Variants in MED15 observed in about 807,000 individuals in gnomAD.
MED15 encodes the protein mediator complex subunit 15.
A neutral mutation model predicts 118.7 loss-of-function variants in MED15; 41 were observed. That is an observed-to-expected ratio of 0.35 (90% confidence interval 0.27 to 0.45). The LOEUF is 0.45. Ranked by LOEUF, MED15 falls within the 20% of genes least tolerant of loss-of-function variation. The pLI is 1.00. For missense variants in MED15, 740 were observed against 1,025.5 expected, an observed-to-expected ratio of 0.72 and a Z score of 3.80; for synonymous variants, 436 against 413.9, an observed-to-expected ratio of 1.05 and a Z score of -0.65.
chr22:20,562,467 C>G, intron 5 of MED15, among the ~76,000 whole-genome samples: 1 of 152,144 alleles, frequency 6.6e-6, no homozygotes, highest in East Asian at 1.9e-4. Context: ...TCACTGCAAC[C>G]TCTGCCTCCC....
At chr22:20,562,980 G>A (rs890154754) in intron 5 of MED15, among the ~76,000 whole-genome samples, 6 of 151,840 alleles carry the variant, frequency 4.0e-5, no homozygotes, top group African/African-American at 1.5e-4. Flanking sequence ...AGGGTGCAGT[G>A]AGCCACGATG....
At chr22:20,528,654 G>A (rs141070799) in intron 1 of MED15, among the ~76,000 whole-genome samples, 1 of 152,334 alleles carries the variant, frequency 6.6e-6, no homozygotes, top group African/African-American at 2.4e-5. Context: ...CAGACACTGG[G>A]CTGTGGGTGA....
chr22:20,559,088 T>A (rs909948063), intron 5 of MED15, among the ~76,000 whole-genome samples: 1 of 152,066 alleles, frequency 6.6e-6, no homozygotes. Flanking sequence ...GCCAGGAGTT[T>A]GAGGCTATGG....
chr22:20,536,179 T>G (rs1309025594), intron 1 of MED15, among the ~76,000 whole-genome samples: 1 of 152,142 alleles, frequency 6.6e-6, no homozygotes, highest in Non-Finnish European at 1.5e-5. Flanking sequence ...CCTGGCCACT[T>G]GTTTCTTTAT....
intron 6 of MED15, among the ~76,000 whole-genome samples, chr22:20,565,628 G>A (rs1449487744): frequency 6.6e-6 from 1 of 152,202 alleles, no homozygotes; most frequent in African/African-American, 2.4e-5. Context: ...GGCTTCTCTG[G>A]ATCTTGGCAC....
At chr22:20,552,579 A>T (rs964572394) in intron 3 of MED15, 1 of 449,860 alleles carries the variant, frequency 2.2e-6, no homozygotes, top group Non-Finnish European at 4.6e-6. Context: ...TGTGGGGCTC[A>T]TGAGGTCATG....
At position 20,512,834 on chromosome 22, in the gene MED15, C is replaced by T. The variant is rs370588741; in HGVS notation, c.68+5088C>T. Among the ~76,000 whole-genome samples the T allele has an allele frequency of 7.1e-4, 106 of 149,344 alleles. 4 individuals are homozygous for T. The highest frequency in any genetic ancestry group is 2.3e-3 in the African/African-American group (95 of 40,570). On this transcript the variant is annotated intron_variant, in intron 1 of 17. Coordinates refer to ENST00000263205, the MANE Select transcript of MED15 (RefSeq NM_001003891.3). ...CTCGGTTCCTTCAACCTCTGCCTCCCGGGTTCAAGCGATTCTCCTGCCTCA... is the reference window on the plus strand; with the variant it reads ...CTCGGTTCCTTCAACCTCTGCCTCCTGGGTTCAAGCGATTCTCCTGCCTCA...
intron 1 of MED15, among the ~76,000 whole-genome samples, chr22:20,521,337 TCCAC>T (rs1193560272): frequency 6.6e-6 from 1 of 151,786 alleles, no homozygotes; most frequent in Non-Finnish European, 1.5e-5. Context: ...CCTCAGGGGA[TCCAC>T]CCACCTCGGC....
At chr22:20,541,623 A>G (rs1446277138) in intron 2 of MED15, among the ~76,000 whole-genome samples, 1 of 149,422 alleles carries the variant, frequency 6.7e-6, no homozygotes, top group Non-Finnish European at 1.5e-5. Flanking sequence ...AGCTGGGACT[A>G]TAGGCACACA....
intron 4 of MED15, 38 bp from the exon 5 acceptor site, chr22:20,554,898 G>A (rs537547042): frequency 1.3e-6 from 2 of 1,557,450 alleles, no homozygotes; most frequent in Middle Eastern, 2.4e-4. Flanking sequence ...AGTCTGGTAG[G>A]CCCTTTCCTG....
At chr22:20,576,083 C>G (rs1316024912) in intron 9 of MED15, among the ~76,000 whole-genome samples, 1 of 152,226 alleles carries the variant, frequency 6.6e-6, no homozygotes, top group Non-Finnish European at 1.5e-5. Context: ...TGGAATTACT[C>G]CATGGCATAG....
At chr22:20,569,503 T>C (rs567302750) in intron 8 of MED15, among the ~76,000 whole-genome samples, 1 of 152,272 alleles carries the variant, frequency 6.6e-6, no homozygotes, top group Non-Finnish European at 1.5e-5. Context: ...GCCTTGTGGT[T>C]TTCTGCAGGC....
In MED15 at chr22:20,528,735, C is replaced by T. The variant is rs931007698; in HGVS notation, c.69-8382C>T. On this transcript the variant is annotated intron_variant, in intron 1 of 17. Coordinates refer to ENST00000263205, the MANE Select transcript of MED15 (RefSeq NM_001003891.3). ...TGGGCCAGTGGGTCTCGGCAGTTAG[C>T]GTGCATCGATCTAGTCACTTAGACC... Among the ~76,000 whole-genome samples the T allele has an allele frequency of 4.8e-4, 73 of 152,316 alleles. 1 individual carries two copies. The highest frequency in any genetic ancestry group is 1.0e-4 in the Non-Finnish European group (7 of 68,018).
intron 7 of MED15, among the ~76,000 whole-genome samples, chr22:20,567,167 C>T (rs1056375185): frequency 4.6e-5 from 7 of 152,194 alleles, no homozygotes; most frequent in Admixed American, 2.0e-4. Context: ...GTGCCAGCTC[C>T]GTCAGTGTCT....
At position 20,583,138 on chromosome 22, in the gene MED15, A is replaced by G. The variant is rs1251941745; in HGVS notation, c.1563A>G (p.Pro521=). 6.2e-7 allele frequency: 1 copy of G among 1,604,922 alleles called. No homozygotes were observed. Among genetic ancestry groups the G allele is most frequent in the Admixed American group, 1.7e-5 (1 of 59,738 alleles). The part of the protein sequence containing the change: ...TPVNPSSVMS[P]AGSSQAEEQQ... ...TGAACCCCAGCTCTGTCATGAGCCC[A>G]GCTGGCTCCAGCCAGGCTGAGGAGC... The change falls in exon 12 of 18, where the codon CCA becomes CCG. Residue 521 remains proline (P), a synonymous_variant. Coordinates refer to ENST00000263205, the MANE Select transcript of MED15 (RefSeq NM_001003891.3).
At chr22:20,538,310 C>T (rs149492359) in intron 2 of MED15, among the ~76,000 whole-genome samples, 24 of 152,156 alleles carry the variant, frequency 1.6e-4, no homozygotes, top group African/African-American at 5.8e-4. Context: ...AGTGCAGTGG[C>T]GTGATCTCAG....
chr22:20,548,480 T>C (rs1046893719), intron 2 of MED15, among the ~76,000 whole-genome samples: 8 of 152,146 alleles, frequency 5.3e-5, no homozygotes, highest in Non-Finnish European at 1.2e-4. Flanking sequence ...TGGCTTTATC[T>C]TCTCAATAGT....
At chr22:20,546,513 T>G (rs1233892112) in intron 2 of MED15, among the ~76,000 whole-genome samples, 4 of 150,044 alleles carry the variant, frequency 2.7e-5, no homozygotes, top group South Asian at 4.2e-4. Context: ...TTTTTTTTGT[T>G]TTTTTTTTTT....
intron 5 of MED15, among the ~76,000 whole-genome samples, chr22:20,564,092 A>T (rs2056343055): frequency 6.6e-6 from 1 of 152,230 alleles, no homozygotes; most frequent in Non-Finnish European, 1.5e-5. Flanking sequence ...AGCTAGTCAC[A>T]AAAGAGCACA....
Sources: allele counts gnomAD v4.1 joint callset (sites outside exome capture counted in the v4.1 genomes callset), GRCh38; gene constraint gnomAD v4.1.1; transcripts MANE v1.5; gene names NCBI Gene and HGNC (gene_info 2026-07-23, HGNC 2026-07-21).